The following SORCS2 variants were observed in gnomAD, a reference collection of about 807,000 sequenced individuals.
SORCS2 encodes sortilin related VPS10 domain containing receptor 2.
A neutral mutation model predicts 141.6 loss-of-function variants in SORCS2; 100 were observed. That is an observed-to-expected ratio of 0.71 (90% CI 0.60 to 0.83). SORCS2 has a LOEUF of 0.83. Among genes scored for constraint, SORCS2 ranks in the 40% least tolerant of loss-of-function variants. The pLI is 0.00. For missense variants in SORCS2, 1,646 were observed against 1,560.2 expected (o/e 1.05, Z -0.93); for synonymous variants, 789 against 676.9 (o/e 1.17, Z -2.57).
chr4:7,724,778 A>G (rs1183243021), intron 19 of SORCS2, among the ~76,000 whole-genome samples: 83 of 24,170 alleles, frequency 3.4e-3, no homozygotes, highest in African/African-American at 7.7e-3. Context: ...GATGGTGGTG[A>G]TGGTGCTGGT....
chr4:7,706,400 GCTCTGCCTGGA>G (rs1409949418), intron 14 of SORCS2, among the ~76,000 whole-genome samples: 6 of 147,794 alleles, frequency 4.1e-5, no homozygotes, highest in African/African-American at 1.3e-4. Context: ...ATGAGGCTGG[GCTCTGCCTGGA>G]CAGAGATGAG....
intron 2 of SORCS2, among the ~76,000 whole-genome samples, chr4:7,426,942 C>T (rs756496039): frequency 2.0e-5 from 3 of 152,176 alleles, no homozygotes; most frequent in Non-Finnish European, 2.9e-5. Context: ...TGTTTTGGAG[C>T]GATGGGGCCC....
chr4:7,452,173 C>G (rs954628214), intron 2 of SORCS2, among the ~76,000 whole-genome samples: 1 of 151,494 alleles, frequency 6.6e-6, no homozygotes, highest in Non-Finnish European at 1.5e-5. Context: ...TGGAGACTTG[C>G]TCTGTCACCC....
intron 1 of SORCS2, among the ~76,000 whole-genome samples, chr4:7,372,222 G>C (rs1722302367): frequency 6.6e-6 from 1 of 152,212 alleles, no homozygotes; most frequent in Admixed American, 6.5e-5. Context: ...TTGTAAGTCA[G>C]TGGTTGAATG....
chr4:7,372,302 C>CT (rs887039530), intron 1 of SORCS2, among the ~76,000 whole-genome samples: 42 of 151,714 alleles, frequency 2.8e-4, no homozygotes, highest in African/African-American at 9.7e-4. Context: ...GTAAAATTCA[C>CT]TTTTTTTTTG....
At chr4:7,438,034 C>A in intron 2 of SORCS2, among the ~76,000 whole-genome samples, 1 of 152,338 alleles carries the variant, frequency 6.6e-6, no homozygotes, top group Non-Finnish European at 1.5e-5. Context: ...AACCACGGTG[C>A]ATTTATGAAA....
chr4:7,430,967 C>G (rs1438635008), intron 2 of SORCS2: 1 of 152,416 alleles, frequency 6.6e-6, no homozygotes, highest in Non-Finnish European at 1.5e-5. Context: ...AAGGCAGCCA[C>G]TCCCCACGAG....
chr4:7,619,215 C>T (rs1188865041), intron 3 of SORCS2, among the ~76,000 whole-genome samples: 1 of 152,214 alleles, frequency 6.6e-6, no homozygotes, highest in Non-Finnish European at 1.5e-5. Context: ...CTACCCAATA[C>T]TTAGCTACCC....
At chr4:7,414,232 G>A (rs2109164240) in intron 2 of SORCS2, among the ~76,000 whole-genome samples, 1 of 152,356 alleles carries the variant, frequency 6.6e-6, no homozygotes, top group East Asian at 1.9e-4. Context: ...GAAGAACAGA[G>A]GACCCAGGGT....
intron 2 of SORCS2, among the ~76,000 whole-genome samples, chr4:7,467,008 G>A (rs1327958266): frequency 6.6e-6 from 1 of 152,144 alleles, no homozygotes; most frequent in African/African-American, 2.4e-5. Context: ...TCTTTGGCTT[G>A]GAGCACACAG....
intron 3 of SORCS2, among the ~76,000 whole-genome samples, chr4:7,608,928 A>C (rs1004084476): frequency 4.6e-5 from 7 of 152,144 alleles, no homozygotes; most frequent in African/African-American, 1.7e-4. Context: ...GGCCAGCATC[A>C]GGCACTAGCC....
At chr4:7,565,542 C>T (rs150551501) in intron 3 of SORCS2, among the ~76,000 whole-genome samples, 65 of 151,894 alleles carry the variant, frequency 4.3e-4, no homozygotes, top group Non-Finnish European at 7.4e-4. Context: ...ATGATGGTGA[C>T]GTGATGATGA....
At chr4:7,575,571 T>A (rs1003308871) in intron 3 of SORCS2, among the ~76,000 whole-genome samples, 1 of 152,218 alleles carries the variant, frequency 6.6e-6, no homozygotes, top group Non-Finnish European at 1.5e-5. Flanking sequence ...CAAAGACACT[T>A]AAGTTTCGCA....
chr4:7,710,951 T>C (rs1042946053), intron 14 of SORCS2, among the ~76,000 whole-genome samples: 1 of 152,158 alleles, frequency 6.6e-6, no homozygotes, highest in African/African-American at 2.4e-5. Context: ...CAGATGGGAC[T>C]GTGAGCCCAG....
intron 1 of SORCS2, among the ~76,000 whole-genome samples, chr4:7,390,121 C>T (rs1191540891): frequency 2.6e-5 from 4 of 152,174 alleles, no homozygotes; most frequent in African/African-American, 7.2e-5. Context: ...ACACTGCGGG[C>T]TTTCAGGGGC....
chr4:7,198,738 G>T (rs1727313281), intron 1 of SORCS2, among the ~76,000 whole-genome samples: 1 of 152,200 alleles, frequency 6.6e-6, no homozygotes, highest in African/African-American at 2.4e-5. Flanking sequence ...GGTGGGGCAA[G>T]CCTGTCCGGG....
intron 1 of SORCS2, among the ~76,000 whole-genome samples, chr4:7,388,049 T>G (rs1410283151): frequency 1.3e-5 from 2 of 148,786 alleles, no homozygotes. Flanking sequence ...CACACACACA[T>G]GCACACACAT....
chr4:7,448,352 T>A lies in SORCS2; in HGVS notation c.548+51997T>A, dbSNP rs150829048. Among the ~76,000 whole-genome samples the A allele has an allele frequency of 6.0e-3, 907 of 151,956 alleles. 11 individuals are homozygous for A. Among genetic ancestry groups the A allele is most frequent in the Admixed American group, 0.011 (163 of 15,286 alleles). ...ACAGAGAGAGATGCTGGACTCTAGG[T>A]TCCTGTAGTCCAAGGAAGGGTTTTG... On this transcript the variant is annotated intron_variant, in intron 2 of 26. Transcript: ENST00000507866.
Position 7,706,295 on chromosome 4 carries a change from CCG to C in SORCS2, c.1868+2012_1868+2013del, listed in dbSNP as rs1267038909. The stretch of plus-strand genomic sequence containing the variant: ...GCCTGGGCAGGGATGAGGCTGGGCT[CCG>C]TCTGGGCAGGGATGAGGCTGGGCTC... On this transcript the variant is annotated intron_variant, in intron 14 of 26. Transcript: ENST00000507866. Among the ~76,000 whole-genome samples, 584 of 133,220 alleles carry C rather than the reference CCG, an allele frequency of 4.4e-3. 102 individuals carry two copies. Among genetic ancestry groups the C allele is most frequent in the South Asian group, 6.0e-3 (21 of 3,518 alleles). The allele number at this position is 133,220 out of a possible 152,430, so 87.4% of individuals were successfully genotyped here. A position where few individuals can be genotyped will look rare whatever the true frequency, so the allele number is the denominator to read the frequency against.
Sources: gnomAD v4.1 joint callset for allele counts (sites outside exome capture counted in the v4.1 genomes callset) on GRCh38, gnomAD v4.1.1 for gene constraint, MANE v1.5 for transcripts, NCBI Gene and HGNC (gene_info 2026-07-23, HGNC 2026-07-21) for gene names.